Variants in SNTG2 observed in about 807,000 individuals in gnomAD.
SNTG2 encodes the protein gamma-2-syntrophin.
Under a neutral mutation model 70.9 loss-of-function variants are expected in SNTG2, and 74 were observed. The observed-to-expected ratio is 1.04, with a 90% CI of 0.86 to 1.27. The LOEUF (loss-of-function observed/expected upper bound fraction) is 1.27, where lower values mean the gene tolerates loss of function less well. Among genes scored for constraint, SNTG2 ranks in the 50% most tolerant of loss-of-function variants. The probability of loss-of-function intolerance (pLI) is 0.00; values close to 1 mark genes in which losing one functional copy is unlikely to be tolerated. For missense variants in SNTG2, 717 were observed against 690.7 expected (o/e 1.04, Z -0.43); for synonymous variants, 278 against 273.8 (o/e 1.02, Z -0.15).
At chr2:1,120,135 T>C (rs1410263460) in intron 4 of SNTG2, among the ~76,000 whole-genome samples, 2 of 152,156 alleles carry the variant, frequency 1.3e-5, no homozygotes, top group Non-Finnish European at 2.9e-5. Flanking sequence ...TATTGATCAT[T>C]CTTTCTCTAT....
chr2:985,928 G>C (rs1356461214), intron 1 of SNTG2, among the ~76,000 whole-genome samples: 1 of 152,146 alleles, frequency 6.6e-6, no homozygotes, highest in African/African-American at 2.4e-5. Flanking sequence ...TGGAAGAAAA[G>C]TACTGTGTTT....
Position 1,259,400 on chromosome 2 carries a change from A to G in SNTG2, c.1036A>G (p.Arg346Gly). 6.2e-7 allele frequency: 1 copy of G among 1,614,060 alleles called. No individual in the cohort carries two copies. The highest frequency in any genetic ancestry group is 8.5e-7 in the Non-Finnish European group (1 of 1,179,894). The stretch of plus-strand genomic sequence containing the variant: ...CACATTCGATTGGGTGCGAGCAGAA[A>G]GGACCTATCACCTCTGTGAGGTGCT... ...VSTFDWVRAE[R>G]TYHLCEVLFK... Residue 346 changes from arginine to glycine, a missense_variant, in exon 13 of 17, where the codon AGG becomes GGG. Coordinates refer to ENST00000308624, the MANE Select transcript of SNTG2 (RefSeq NM_018968.4).
chr2:1,059,693 A>G (rs1330627059), intron 1 of SNTG2, among the ~76,000 whole-genome samples: 4 of 152,228 alleles, frequency 2.6e-5, no homozygotes, highest in Non-Finnish European at 4.4e-5. Flanking sequence ...CTCAGAGGGC[A>G]TAACATGAAT....
intron 8 of SNTG2, among the ~76,000 whole-genome samples, chr2:1,174,196 A>C (rs1282452832): frequency 6.6e-6 from 1 of 152,176 alleles, no homozygotes; most frequent in Non-Finnish European, 1.5e-5. Flanking sequence ...CCATCTGTGC[A>C]GTCTTCCATA....
intron 6 of SNTG2, chr2:1,161,578 T>G (rs1469427752): frequency 2.0e-5 from 3 of 152,204 alleles, no homozygotes; most frequent in African/African-American, 7.2e-5. Flanking sequence ...TTGGTTGAAT[T>G]CAGTAGCATC....
At chr2:1,011,259 G>C (rs572741586) in intron 1 of SNTG2, among the ~76,000 whole-genome samples, 2 of 152,212 alleles carry the variant, frequency 1.3e-5, no homozygotes, top group Non-Finnish European at 2.9e-5. Context: ...ACACACTTGC[G>C]TCTGAGCACT....
chr2:1,279,581 A>T (rs1403272323), intron 14 of SNTG2, among the ~76,000 whole-genome samples: 1 of 152,100 alleles, frequency 6.6e-6, no homozygotes, highest in Non-Finnish European at 1.5e-5. Context: ...ATCATTTTTC[A>T]TGTGGTTTGT....
chr2:1,004,885 A>G (rs1405414182), intron 1 of SNTG2, among the ~76,000 whole-genome samples: 1 of 152,208 alleles, frequency 6.6e-6, no homozygotes, highest in African/African-American at 2.4e-5. Context: ...AGCATTATTT[A>G]TTTGTTTATT....
rs954876370 is a variant in SNTG2 at position 1,113,428 on chromosome 2, C to T, written c.325+15018C>T. 4.6e-5 allele frequency among the ~76,000 whole-genome samples: 7 copies of T among 151,476 alleles called. No individual in the cohort carries two copies. The South Asian group carries it at 8.3e-4, about 18-fold the overall frequency. The stretch of plus-strand genomic sequence containing the variant: ...ACCACTATAGTCCTTTTATGAGAAC[C>T]ATGTGTACTAAGTGAGGTTTAACCC... On this transcript the variant is annotated intron_variant, in intron 4 of 16. Transcript: ENST00000308624.
chr2:1,022,780 TTTC>T (rs1397753116), intron 1 of SNTG2, among the ~76,000 whole-genome samples: 1 of 152,202 alleles, frequency 6.6e-6, no homozygotes, highest in East Asian at 1.9e-4. Flanking sequence ...CCCTCTGTCA[TTTC>T]TTCTTTCCCC....
At chr2:1,253,823 G>T (rs377399514) in intron 12 of SNTG2, among the ~76,000 whole-genome samples, 6 of 152,270 alleles carry the variant, frequency 3.9e-5, no homozygotes, top group African/African-American at 1.4e-4. Flanking sequence ...AGGGGAAGTA[G>T]GCACATCTTA....
At chr2:1,002,038 G>T (rs1210612446) in intron 1 of SNTG2, among the ~76,000 whole-genome samples, 2 of 152,040 alleles carry the variant, frequency 1.3e-5, no homozygotes, top group East Asian at 3.9e-4. Flanking sequence ...CAAAAATGGT[G>T]CTGGGAAAAT....
intron 6 of SNTG2, among the ~76,000 whole-genome samples, chr2:1,143,893 C>G (rs890707866): frequency 6.9e-6 from 1 of 144,506 alleles, no homozygotes; most frequent in Non-Finnish European, 1.5e-5. Context: ...CAACCCCCCC[C>G]CAGAAAAAGA....
At chr2:1,125,166 T>C (rs6548190) in intron 4 of SNTG2, among the ~76,000 whole-genome samples, 71,727 of 151,952 alleles carry the variant, frequency 0.47, 17,875 homozygotes, top group East Asian at 0.66. Flanking sequence ...TAAATAAAAC[T>C]TTTTATTTAA....
chr2:1,173,449 C>T (rs1172114628), intron 8 of SNTG2, among the ~76,000 whole-genome samples: 4 of 152,154 alleles, frequency 2.6e-5, no homozygotes, highest in African/African-American at 4.8e-5. Flanking sequence ...TTGAGTCCTG[C>T]CTCTGACTTA....
At chr2:1,006,495 T>C (rs1659576672) in intron 1 of SNTG2, among the ~76,000 whole-genome samples, 1 of 152,126 alleles carries the variant, frequency 6.6e-6, no homozygotes, top group Non-Finnish European at 1.5e-5. Context: ...GACCTCAGTA[T>C]CATCATTTAC....
At chr2:1,278,668 T>G (rs865791262) in intron 14 of SNTG2, among the ~76,000 whole-genome samples, 12 of 152,194 alleles carry the variant, frequency 7.9e-5, no homozygotes, top group Non-Finnish European at 1.6e-4. Flanking sequence ...TACCAATGCT[T>G]CTTTCTCTTT....
rs541489536 is a variant in SNTG2, at chr2:1,020,596, G to T, written c.73-62922G>T. On this transcript the variant is annotated intron_variant, in intron 1 of 16. Transcript: ENST00000308624. ...TTTTTAAAAAAATTCCAACAGAAAA[G>T]TTGGAAGAATAGTCTAATAATATAC... 1.2e-3 allele frequency among the ~76,000 whole-genome samples: 179 copies of T among 152,130 alleles called. 2 individuals are homozygous for T. The highest frequency in any genetic ancestry group is 7.7e-4 in the East Asian group (4 of 5,176).
chr2:1,183,647 T>C (rs1038020371), intron 8 of SNTG2, among the ~76,000 whole-genome samples: 3 of 152,236 alleles, frequency 2.0e-5, no homozygotes, highest in East Asian at 1.9e-4. Flanking sequence ...CTGGACATTT[T>C]ATTTTTATTA....
Sources: allele counts gnomAD v4.1 joint callset (sites outside exome capture counted in the v4.1 genomes callset), GRCh38; gene constraint gnomAD v4.1.1; transcripts MANE v1.5; gene names NCBI Gene and HGNC (gene_info 2026-07-23, HGNC 2026-07-21).